Variants in FLRT2 observed in about 807,000 individuals in gnomAD.
FLRT2 encodes the protein leucine-rich repeat transmembrane protein FLRT2.
A neutral mutation model predicts 40.0 loss-of-function variants in FLRT2; 15 were observed. That is an observed-to-expected ratio of 0.38 (90% CI 0.25 to 0.58). The LOEUF is 0.58. Among genes scored for constraint, FLRT2 ranks in the 20% least tolerant of loss-of-function variants. FLRT2 has a pLI of 0.71. For synonymous variants in FLRT2, 380 were observed against 336.8 expected (o/e 1.13, Z -1.41); for missense variants, 726 against 840.0 (o/e 0.86, Z 1.68).
chr14:85,566,688 A>G (rs776145788), intron 1 of FLRT2, among the ~76,000 whole-genome samples: 1 of 151,510 alleles, frequency 6.6e-6, no homozygotes, highest in Non-Finnish European at 1.5e-5. Flanking sequence ...CAAGGTTTAT[A>G]TTCCTGGCCT....
chr14:85,570,776 G>A (rs921704991), intron 1 of FLRT2, among the ~76,000 whole-genome samples: 3 of 151,298 alleles, frequency 2.0e-5, no homozygotes, highest in South Asian at 2.1e-4. Flanking sequence ...TAGTAGAGAC[G>A]GGGTTTCACC....
At chr14:85,585,390 CT>C (rs2050081603) in intron 1 of FLRT2, among the ~76,000 whole-genome samples, 1 of 152,154 alleles carries the variant, frequency 6.6e-6, no homozygotes. Flanking sequence ...TTCAGGCTGC[CT>C]TCCCCATTTG....
intron 1 of FLRT2, among the ~76,000 whole-genome samples, chr14:85,553,196 A>C (rs1343194280): frequency 6.6e-6 from 1 of 152,210 alleles, no homozygotes; most frequent in Non-Finnish European, 1.5e-5. Flanking sequence ...GCCTTCAGAA[A>C]GAGCAAATAA....
In FLRT2 at chr14:85,564,882, C is replaced by A. The variant is rs373940208; in HGVS notation, c.-377+34348C>A. Among the ~76,000 whole-genome samples the A allele has an allele frequency of 2.6e-5, 4 of 152,284 alleles. No individual in the cohort carries two copies. In the South Asian group the frequency reaches 8.3e-4, roughly 32 times the overall value. On this transcript the variant is annotated intron_variant, in intron 1 of 1. Transcript: ENST00000330753. ...AGATAGATAAGATTTATCATGTGAT[C>A]ACTAGTTTTATCAAGTGAAGGAGAT...
rs1274296589 is a variant in FLRT2, at chr14:85,623,080, C to T, written c.1566C>T (p.Gly522=). 6.2e-7 allele frequency: 1 copy of T among 1,614,130 alleles called. No homozygotes were observed. Among genetic ancestry groups the T allele is most frequent in the African/African-American group, 1.3e-5 (1 of 75,064 alleles). The part of the protein sequence containing the change: ...ATTHASYLNN[G]SNTASSHEQT... ...CCCATGCCTCCTATCTGAACAACGG[C>T]AGCAACACAGCGTCCAGCCATGAGC... The change falls in exon 2 of 2, where the codon GGC becomes GGT. Residue 522 remains glycine, a synonymous_variant. Transcript: ENST00000330753.
rs1491083310 is a variant in FLRT2 at position 85,643,329 on chromosome 14, T to TTCTG, written c.*19835_*19836insGTCT. ...TTTCTTTCTTTCTTTCTTTCTTTCT[T>TTCTG]TCTTTCTTTCTTTCTTTCTTTCTTT... On this transcript the variant is annotated 3_prime_UTR_variant, in exon 2 of 2. Coordinates refer to ENST00000330753, the MANE Select transcript of FLRT2 (RefSeq NM_013231.6). The TTCTG allele has an allele frequency of 2.2e-4, 26 of 116,974 alleles. No individual in the cohort carries two copies. Among genetic ancestry groups the TTCTG allele is most frequent in the Non-Finnish European group, 3.6e-4 (21 of 58,376 alleles). The allele number at this position is 116,974 out of a possible 1,614,324, so 7.2% of individuals were successfully genotyped here.
intron 1 of FLRT2, among the ~76,000 whole-genome samples, chr14:85,615,969 G>A (rs1893113275): frequency 6.6e-6 from 1 of 152,114 alleles, no homozygotes; most frequent in South Asian, 2.1e-4. Context: ...AACCTTCTTA[G>A]GCAGCACTAG....
In FLRT2 at chr14:85,537,845, G is replaced by T. The variant is rs201976569; in HGVS notation, c.-377+7311G>T. On this transcript the variant is annotated intron_variant, in intron 1 of 1. Coordinates refer to ENST00000330753, the MANE Select transcript of FLRT2 (RefSeq NM_013231.6). The stretch of plus-strand genomic sequence containing the variant: ...AAATCTGTTAGAACCTTCATGTTTT[G>T]TTTTTTTTTTTTCTTCCTTAGCGAA... Among the ~76,000 whole-genome samples, 124 of 146,528 alleles carry T rather than the reference G, an allele frequency of 8.5e-4. No homozygotes were observed. The East Asian group carries it at 0.017, about 20-fold the overall frequency.
Position 85,625,249 on chromosome 14 carries a change from A to G in FLRT2, c.*1752A>G, listed in dbSNP as rs1051837948. On this transcript the variant is annotated 3_prime_UTR_variant, in exon 2 of 2. Coordinates refer to ENST00000330753, the MANE Select transcript of FLRT2 (RefSeq NM_013231.6). Reference sequence around the variant, plus strand: ...TCACTCTGTGCTGCATATTTCTTTTACCATTGACCATTATTATAGGGACCC... The same window carrying G: ...TCACTCTGTGCTGCATATTTCTTTTGCCATTGACCATTATTATAGGGACCC... 1.8e-5 allele frequency: 3 copies of G among 167,058 alleles called. No individual in the cohort carries two copies. The highest frequency in any genetic ancestry group is 4.4e-5 in the Non-Finnish European group (3 of 68,112). 10.3% of individuals were successfully genotyped at this position (167,058 alleles called of 1,614,324 possible).
At position 85,643,743 on chromosome 14, in the gene FLRT2, C is replaced by T. The variant is rs191713660; in HGVS notation, c.*20246C>T. On this transcript the variant is annotated 3_prime_UTR_variant, in exon 2 of 2. Coordinates refer to ENST00000330753, the MANE Select transcript of FLRT2 (RefSeq NM_013231.6). ...TTAATGCATTGATGAGGACTCTCCTCTTTTAGATAGAGATGAAAGTGTAGA... is the reference window on the plus strand; with the variant it reads ...TTAATGCATTGATGAGGACTCTCCTTTTTTAGATAGAGATGAAAGTGTAGA... 13 of 152,214 alleles carry T rather than the reference C, an allele frequency of 8.5e-5. No homozygotes were observed. The East Asian group carries it at 2.3e-3, about 27-fold the overall frequency. The allele number at this position is 152,214 out of a possible 1,614,324, so 9.4% of individuals were successfully genotyped here. A position where few individuals can be genotyped will look rare whatever the true frequency, so the allele number is the denominator to read the frequency against.
At chr14:85,617,992 T>G (rs1482190617) in intron 1 of FLRT2, among the ~76,000 whole-genome samples, 1 of 152,232 alleles carries the variant, frequency 6.6e-6, no homozygotes, top group African/African-American at 2.4e-5. Context: ...GAGTAAAATA[T>G]GCCTGCAAGA....
chr14:85,614,931 G>C (rs1314825484), intron 1 of FLRT2, among the ~76,000 whole-genome samples: 1 of 152,166 alleles, frequency 6.6e-6, no homozygotes, highest in African/African-American at 2.4e-5. Flanking sequence ...CACTGTAGAA[G>C]ATACATCTGT....
At position 85,624,324 on chromosome 14, in the gene FLRT2, A is replaced by G. The variant is rs1893569808; in HGVS notation, c.*827A>G. 1 of 167,064 alleles carries G rather than the reference A, an allele frequency of 6.0e-6. No individual in the cohort carries two copies. Among genetic ancestry groups the G allele is most frequent in the African/African-American group, 2.4e-5 (1 of 41,450 alleles). The allele number at this position is 167,064 out of a possible 1,614,324, so 10.3% of individuals were successfully genotyped here. A position where few individuals can be genotyped will look rare whatever the true frequency, so the allele number is the denominator to read the frequency against. On this transcript the variant is annotated 3_prime_UTR_variant, in exon 2 of 2. Coordinates refer to ENST00000330753, the MANE Select transcript of FLRT2 (RefSeq NM_013231.6). The stretch of plus-strand genomic sequence containing the variant: ...CTGTTCAAATCATATATCAGGTTGA[A>G]TCACATTCAACAGAGATATATTCTA...
At chr14:85,544,125 G>C (rs546181292) in intron 1 of FLRT2, among the ~76,000 whole-genome samples, 1 of 152,286 alleles carries the variant, frequency 6.6e-6, no homozygotes, top group East Asian at 1.9e-4. Flanking sequence ...TATTCCCATA[G>C]ATTGATTACC....
intron 1 of FLRT2, among the ~76,000 whole-genome samples, chr14:85,531,721 G>C (rs1400617086): frequency 6.6e-6 from 1 of 152,136 alleles, no homozygotes; most frequent in Non-Finnish European, 1.5e-5. Flanking sequence ...CCCCAGCCGC[G>C]CTCCCTCCTC....
intron 1 of FLRT2, among the ~76,000 whole-genome samples, chr14:85,545,652 A>G (rs540017420): frequency 2.8e-4 from 43 of 152,356 alleles, no homozygotes; most frequent in African/African-American, 1.0e-3. Context: ...CTCTCAATGT[A>G]TTTCTGTAAC....
At chr14:85,538,200 C>A (rs1888783333) in intron 1 of FLRT2, among the ~76,000 whole-genome samples, 1 of 152,094 alleles carries the variant, frequency 6.6e-6, no homozygotes, top group African/African-American at 2.4e-5. Context: ...CCTTGAGTCA[C>A]CCAAACAAAG....
chr14:85,595,949 G>C (rs947200130), intron 1 of FLRT2, among the ~76,000 whole-genome samples: 1 of 152,182 alleles, frequency 6.6e-6, no homozygotes, highest in African/African-American at 2.4e-5. Context: ...CTGTTGGTTG[G>C]AGTTGAGCTG....
In FLRT2 at chr14:85,643,291, T is replaced by G. The variant is rs200620239; in HGVS notation, c.*19794T>G. On this transcript the variant is annotated 3_prime_UTR_variant, in exon 2 of 2. Transcript: ENST00000330753. ...AGAGAGTTCAGAGGGTATTTCTTTT[T>G]TTTCTTTCTTTCTTTCTTTCTTTCT... 8.4e-6 allele frequency: 1 copy of G among 118,758 alleles called. No homozygotes were observed. Among genetic ancestry groups the G allele is most frequent in the Non-Finnish European group, 1.7e-5 (1 of 58,530 alleles). 7.4% of individuals were successfully genotyped at this position (118,758 alleles called of 1,614,324 possible). A position where few individuals can be genotyped will look rare whatever the true frequency, so the allele number is the denominator to read the frequency against.
Sources: allele counts gnomAD v4.1 joint callset (sites outside exome capture counted in the v4.1 genomes callset), GRCh38; gene constraint gnomAD v4.1.1; transcripts MANE v1.5; gene names NCBI Gene and HGNC (gene_info 2026-07-23, HGNC 2026-07-21).